The following ACOT12 variants were observed in gnomAD, a reference collection of about 807,000 sequenced individuals.
ACOT12 encodes acetyl-coenzyme A thioesterase.
ACOT12 carries 51 observed loss-of-function variants against 67.7 expected under a neutral mutation model. The ratio of observed to expected loss-of-function variants is 0.75; its 90% CI spans 0.60 to 0.95. ACOT12 has a LOEUF of 0.95. ACOT12 is among the 40% of genes least tolerant of loss of function. The probability of loss-of-function intolerance (pLI) is 0.00; values close to 1 mark genes in which losing one functional copy is unlikely to be tolerated. For synonymous variants in ACOT12, 251 were observed against 244.6 expected (o/e 1.03, Z -0.24); for missense variants, 734 against 708.1 (o/e 1.04, Z -0.41).
chr5:81,371,572 A>T (rs926779909), intron 3 of ACOT12, among the ~76,000 whole-genome samples, 178 bp downstream of exon 3: 1 of 152,130 alleles, frequency 6.6e-6, no homozygotes, highest in African/African-American at 2.4e-5. Flanking sequence ...TTTAGCTGGG[A>T]AACAGTGGAA....
intron 11 of ACOT12, among the ~76,000 whole-genome samples, chr5:81,336,345 CT>C (rs1263912822): frequency 1.3e-5 from 2 of 152,282 alleles, no homozygotes; most frequent in East Asian, 3.9e-4. Flanking sequence ...TCAGGCGTGT[CT>C]TTAAGTGGGC....
downstream of ACOT12, among the ~76,000 whole-genome samples, chr5:81,329,820 A>G (rs1263830208): frequency 3.2e-5 from 4 of 124,464 alleles, no homozygotes; most frequent in African/African-American, 1.2e-4. Context: ...GCCACCTGGA[A>G]TATATGTTAA....
intron 3 of ACOT12, 134 bp downstream of exon 3, chr5:81,371,616 C>T: frequency 1.2e-6 from 1 of 849,342 alleles, no homozygotes; most frequent in Non-Finnish European, 1.9e-6. Flanking sequence ...TGTGACCTGA[C>T]TACACATTCC....
intron 1 of ACOT12, among the ~76,000 whole-genome samples, chr5:81,387,861 A>G (rs1214339224): frequency 3.3e-5 from 5 of 152,172 alleles, no homozygotes; most frequent in Admixed American, 1.3e-4. Context: ...TCAATTTTGA[A>G]TGACTTAAAT....
At chr5:81,350,798 G>A (rs1442894532) in intron 5 of ACOT12, among the ~76,000 whole-genome samples, 1 of 152,162 alleles carries the variant, frequency 6.6e-6, no homozygotes, top group Non-Finnish European at 1.5e-5. Flanking sequence ...CTAAGGCTAA[G>A]GCTCTCTGGA....
chr5:81,333,554 A>G (rs1288396260), intron 12 of ACOT12, among the ~76,000 whole-genome samples: 2 of 152,214 alleles, frequency 1.3e-5, no homozygotes, highest in South Asian at 2.1e-4. Context: ...TCACTCCCCA[A>G]TTTGTTCAAC....
chr5:81,341,653 G>A lies in ACOT12; in HGVS notation c.1128+1019C>T, dbSNP rs78731832. On this transcript the variant is annotated intron_variant, in intron 11 of 14. Coordinates refer to ENST00000307624, the MANE Select transcript of ACOT12 (RefSeq NM_130767.3). ...TGCCAGGCGCTCCTATGGTCTGGGT[G>A]TAGTGGTGAGCAGATCGGCCCTCAG... Among the ~76,000 whole-genome samples, 68 of 152,330 alleles carry A rather than the reference G, an allele frequency of 4.5e-4. No homozygotes were observed. The East Asian group carries it at 0.012, about 26-fold the overall frequency.
intron 11 of ACOT12, 21 bp from the exon 12 acceptor site, chr5:81,335,922 T>C (rs1003276589): frequency 1.3e-6 from 2 of 1,589,760 alleles, no homozygotes; most frequent in African/African-American, 2.7e-5. Flanking sequence ...ACAAAAAAAT[T>C]AAATTACGAA....
chr5:81,318,778 C>A, the ACOT12 span, among the ~76,000 whole-genome samples: 211 of 152,290 alleles, frequency 1.4e-3, 1 homozygote, highest in South Asian at 0.026. Context: ...TGATGTTAAA[C>A]AATTGCTGCT....
chr5:81,311,281 T>C, the ACOT12 span: 10 of 1,613,838 alleles, frequency 6.2e-6, no homozygotes, highest in Admixed American at 1.7e-5. Flanking sequence ...AGAATTCAGG[T>C]GAGATCTCTG....
chr5:81,355,786 G>A (rs1472450607), intron 5 of ACOT12, among the ~76,000 whole-genome samples: 1 of 152,150 alleles, frequency 6.6e-6, no homozygotes, highest in Non-Finnish European at 1.5e-5. Context: ...GCTTCCTGTG[G>A]GGCTGGGTCC....
Position 81,393,913 on chromosome 5 carries a change from C to CG in ACOT12, c.127+74_127+75insC, listed in dbSNP as rs1043856242. On this transcript the variant is annotated intron_variant, in intron 1 of 14. Transcript: ENST00000307624. The stretch of plus-strand genomic sequence containing the variant: ...GCAAGTACCTTCCTCGCCTTCCTAC[C>CG]CCCCCCAGCCCCCAGCCGCCGCCGC... The CG allele has an allele frequency of 2.4e-6, 3 of 1,229,762 alleles. No individual in the cohort carries two copies. In the African/African-American group the frequency reaches 6.0e-5, roughly 25 times the overall value. The allele number at this position is 1,229,762 out of a possible 1,614,324, so 76.2% of individuals were successfully genotyped here. A position where few individuals can be genotyped will look rare whatever the true frequency, so the allele number is the denominator to read the frequency against.
chr5:81,362,223 T>C (rs1561339770), intron 4 of ACOT12, among the ~76,000 whole-genome samples: 3 of 149,682 alleles, frequency 2.0e-5, no homozygotes, highest in Non-Finnish European at 4.4e-5. Flanking sequence ...TGGAGTGCAA[T>C]GGCACAATCT....
At chr5:81,352,252 TG>T (rs1759576821) in intron 5 of ACOT12, among the ~76,000 whole-genome samples, 1 of 152,232 alleles carries the variant, frequency 6.6e-6, no homozygotes, top group African/African-American at 2.4e-5. Context: ...ATCCCATTGC[TG>T]GGTATACACC....
chr5:81,360,471 C>G (rs1230439257), intron 4 of ACOT12, among the ~76,000 whole-genome samples: 1 of 152,152 alleles, frequency 6.6e-6, no homozygotes. Context: ...TAAAGATGTT[C>G]TAGAGAAAGT....
the ACOT12 span, chr5:81,313,201 G>A: frequency 1.3e-5 from 2 of 152,118 alleles, no homozygotes; most frequent in African/African-American, 4.8e-5. Context: ...AATATCCATT[G>A]TTCGTTAATA....
intron 1 of ACOT12, among the ~76,000 whole-genome samples, chr5:81,393,561 C>T (rs548405858): frequency 5.9e-4 from 89 of 152,088 alleles, no homozygotes; most frequent in African/African-American, 2.1e-3. Flanking sequence ...AAACAAAACT[C>T]CCAAAGTCAG....
chr5:81,316,331 G>A, the ACOT12 span, among the ~76,000 whole-genome samples: 1 of 151,980 alleles, frequency 6.6e-6, no homozygotes, highest in Admixed American at 6.6e-5. Flanking sequence ...CCCAGCTACT[G>A]GCATCTACTA....
chr5:81,352,465 T>G (rs925896335), intron 5 of ACOT12, among the ~76,000 whole-genome samples: 7 of 152,324 alleles, frequency 4.6e-5, no homozygotes, highest in Middle Eastern at 3.4e-3. Flanking sequence ...ACAACATGGA[T>G]GGAACTGGAG....
Sources: allele counts gnomAD v4.1 joint callset (sites outside exome capture counted in the v4.1 genomes callset), GRCh38; gene constraint gnomAD v4.1.1; transcripts MANE v1.5; gene names NCBI Gene and HGNC (gene_info 2026-07-23, HGNC 2026-07-21).